Variants in GALNT1 observed in about 807,000 individuals in gnomAD.
The protein encoded by GALNT1 is polypeptide N-acetylgalactosaminyltransferase 1.
A neutral mutation model predicts 65.7 loss-of-function variants in GALNT1; 17 were observed. The observed-to-expected ratio is 0.26, with a 90% CI of 0.18 to 0.39. The LOEUF (loss-of-function observed/expected upper bound fraction) is 0.39. GALNT1 is among the 10% of genes least tolerant of loss of function. GALNT1 has a pLI of 1.00. For missense variants in GALNT1, 460 were observed against 672.8 expected, an observed-to-expected ratio of 0.68 and a Z score of 3.50; for synonymous variants, 210 against 219.7, an observed-to-expected ratio of 0.96 and a Z score of 0.39.
intron 1 of GALNT1, among the ~76,000 whole-genome samples, chr18:35,628,179 C>T (rs945162387): frequency 1.3e-4 from 20 of 152,306 alleles, no homozygotes; most frequent in African/African-American, 4.3e-4. Flanking sequence ...GAAACCTCTG[C>T]GGACTTAAAT....
chr18:35,608,216 A>G (rs896257919), intron 1 of GALNT1, among the ~76,000 whole-genome samples: 4 of 152,118 alleles, frequency 2.6e-5, no homozygotes, highest in African/African-American at 7.2e-5. Context: ...GTTTTCTGCT[A>G]TTATAAAAGG....
At chr18:35,690,968 G>C in intron 7 of GALNT1, 44 bp from the exon 8 acceptor site, 1 of 1,468,172 alleles carries the variant, frequency 6.8e-7, no homozygotes, top group South Asian at 1.4e-5. Context: ...AACATTTCCT[G>C]ATTACTCAGC....
chr18:35,605,622 C>T (rs553132734), intron 1 of GALNT1, among the ~76,000 whole-genome samples: 2 of 151,948 alleles, frequency 1.3e-5, no homozygotes, highest in South Asian at 4.2e-4. Context: ...TCAGATCTTC[C>T]TCCCTCCCTG....
At chr18:35,620,538 A>C (rs1000338346) in intron 1 of GALNT1, among the ~76,000 whole-genome samples, 1 of 152,202 alleles carries the variant, frequency 6.6e-6, no homozygotes, top group African/African-American at 2.4e-5. Flanking sequence ...AACCACTAGT[A>C]AGAATTTGGT....
chr18:35,609,661 T>G (rs926112961), intron 1 of GALNT1, among the ~76,000 whole-genome samples: 9 of 152,192 alleles, frequency 5.9e-5, no homozygotes, highest in African/African-American at 2.2e-4. Context: ...AAGATAATTA[T>G]TTTTTAATGG....
At chr18:35,606,905 C>T (rs899933462) in intron 1 of GALNT1, among the ~76,000 whole-genome samples, 1 of 149,778 alleles carries the variant, frequency 6.7e-6, no homozygotes, top group Admixed American at 6.7e-5. Flanking sequence ...TGTGACCATC[C>T]ACTGTGAGAG....
At chr18:35,590,614 T>C (rs1214191085) in intron 1 of GALNT1, among the ~76,000 whole-genome samples, 3 of 151,554 alleles carry the variant, frequency 2.0e-5, no homozygotes, top group Non-Finnish European at 4.4e-5. Flanking sequence ...AGTTATTGGA[T>C]TGTCCTTTGG....
intron 1 of GALNT1, among the ~76,000 whole-genome samples, chr18:35,630,816 TAAAG>T (rs908309528): frequency 4.6e-5 from 7 of 151,746 alleles, no homozygotes; most frequent in Admixed American, 1.3e-4. Flanking sequence ...GCAAGACTAA[TAAAG>T]AAGAAAAGAG....
chr18:35,607,177 T>C (rs1051223764), intron 1 of GALNT1, among the ~76,000 whole-genome samples: 1 of 151,946 alleles, frequency 6.6e-6, no homozygotes, highest in African/African-American at 2.4e-5. Flanking sequence ...CACAGTGCCA[T>C]GGGAGAGTAA....
chr18:35,613,125 T>G (rs938229583), intron 1 of GALNT1, among the ~76,000 whole-genome samples: 2 of 152,186 alleles, frequency 1.3e-5, no homozygotes, highest in African/African-American at 4.8e-5. Flanking sequence ...TCTAGTTTAC[T>G]TATGTTTATT....
At chr18:35,687,734 A>AT (rs906768266) in intron 6 of GALNT1, among the ~76,000 whole-genome samples, 22 of 151,650 alleles carry the variant, frequency 1.5e-4, no homozygotes, top group Middle Eastern at 3.4e-3. Flanking sequence ...TCATATATAG[A>AT]TTTTTTTTTC....
chr18:35,711,158 A>G lies in GALNT1; in HGVS notation c.*1388A>G, dbSNP rs2048345700. The G allele has an allele frequency of 6.6e-6, 1 of 152,292 alleles. No homozygotes were observed. The highest frequency in any genetic ancestry group is 2.1e-4 in the South Asian group (1 of 4,826). 9.4% of individuals were successfully genotyped at this position (152,292 alleles called of 1,614,324 possible). A position where few individuals can be genotyped will look rare whatever the true frequency, so the allele number is the denominator to read the frequency against. The stretch of plus-strand genomic sequence containing the variant: ...CCTGAGTGTCAATTGAAAGTTGTCA[A>G]TTAAAAGGTAACCTTTTAATCTCGT... On this transcript the variant is annotated 3_prime_UTR_variant, in exon 12 of 12. Transcript: ENST00000269195.
chr18:35,584,586 G>T (rs965513000), intron 1 of GALNT1, among the ~76,000 whole-genome samples: 4 of 152,188 alleles, frequency 2.6e-5, no homozygotes, highest in African/African-American at 9.7e-5. Context: ...AATATTTATT[G>T]ACTCAGCAGT....
At chr18:35,647,229 A>G (rs1343829670) in intron 1 of GALNT1, among the ~76,000 whole-genome samples, 2 of 152,210 alleles carry the variant, frequency 1.3e-5, no homozygotes, top group African/African-American at 4.8e-5. Flanking sequence ...AGTCAAATCT[A>G]TTATAGATGT....
chr18:35,682,090 C>T (rs1038934405), intron 4 of GALNT1, among the ~76,000 whole-genome samples: 1 of 152,146 alleles, frequency 6.6e-6, no homozygotes, highest in African/African-American at 2.4e-5. Context: ...CCTTTTTACT[C>T]AGAATCAATT....
At chr18:35,677,809 G>T in intron 4 of GALNT1, 52 bp downstream of exon 4, 4 of 1,314,998 alleles carry the variant, frequency 3.0e-6, no homozygotes, top group South Asian at 3.0e-5. Flanking sequence ...TGTCACTAAC[G>T]GTTAAAACTA....
intron 2 of GALNT1, among the ~76,000 whole-genome samples, chr18:35,662,029 G>T (rs2047484465): frequency 1.3e-5 from 2 of 152,084 alleles, no homozygotes; most frequent in Non-Finnish European, 2.9e-5. Flanking sequence ...GACCACTGAT[G>T]TACCAATCTC....
At chr18:35,630,879 C>G (rs2046997035) in intron 1 of GALNT1, among the ~76,000 whole-genome samples, 1 of 152,180 alleles carries the variant, frequency 6.6e-6, no homozygotes, top group Non-Finnish European at 1.5e-5. Context: ...GATATCACCA[C>G]TGATCCCACA....
chr18:35,696,150 C>G (rs1483836843), intron 9 of GALNT1, among the ~76,000 whole-genome samples: 4 of 152,180 alleles, frequency 2.6e-5, no homozygotes, highest in Non-Finnish European at 5.9e-5. Context: ...GCCCTTAATA[C>G]CAGGCCACAT....
Sources: allele counts gnomAD v4.1 joint callset (sites outside exome capture counted in the v4.1 genomes callset), GRCh38; gene constraint gnomAD v4.1.1; transcripts MANE v1.5; gene names NCBI Gene and HGNC (gene_info 2026-07-23, HGNC 2026-07-21).